The following CDKN2B-AS1 variants were observed in gnomAD, a reference collection of about 807,000 sequenced individuals.
CDKN2B-AS1 encodes the protein CDKN2B antisense RNA 1 (non-protein coding).
chr9:22,096,820 C>G (rs1424384331), intron 4 of CDKN2B-AS1, among the ~76,000 whole-genome samples: 2 of 152,150 alleles, frequency 1.3e-5, no homozygotes, highest in African/African-American at 4.8e-5. Flanking sequence ...CTCCACCTGG[C>G]CTTCTCCAGC....
At chr9:22,003,758 G>A (rs996652899) in intron 1 of CDKN2B-AS1, 1 of 231,804 alleles carries the variant, frequency 4.3e-6, no homozygotes, top group Non-Finnish European at 8.5e-6. Flanking sequence ...GTTGGGGGGG[G>A]TTATTCTCCA....
At chr9:21,998,526 C>T (rs1328761598) in intron 1 of CDKN2B-AS1, among the ~76,000 whole-genome samples, 1 of 152,138 alleles carries the variant, frequency 6.6e-6, no homozygotes, top group Non-Finnish European at 1.5e-5. Flanking sequence ...AGGCCAGGGT[C>T]AATAGGGAGT....
At chr9:22,010,005 T>G (rs2069416) in intron 1 of CDKN2B-AS1, among the ~76,000 whole-genome samples, 2,583 of 152,146 alleles carry the variant, frequency 0.017, 43 homozygotes, top group Middle Eastern at 0.054. Context: ...AAATTATACT[T>G]TAAGAATCTG....
At chr9:22,104,693 T>G (rs1384406352) in intron 4 of CDKN2B-AS1, among the ~76,000 whole-genome samples, 1 of 152,234 alleles carries the variant, frequency 6.6e-6, no homozygotes, top group Non-Finnish European at 1.5e-5. Flanking sequence ...ATTTGTTTGT[T>G]TTTTGTTCAT....
chr9:22,060,794 T>G (rs1376458699), intron 4 of CDKN2B-AS1, among the ~76,000 whole-genome samples: 1 of 152,174 alleles, frequency 6.6e-6, no homozygotes, highest in African/African-American at 2.4e-5. Flanking sequence ...GCACTTCTCA[T>G]GTGGCAGTGG....
At chr9:22,101,511 C>A (rs1825483916) in intron 4 of CDKN2B-AS1, among the ~76,000 whole-genome samples, 1 of 152,136 alleles carries the variant, frequency 6.6e-6, no homozygotes, top group African/African-American at 2.4e-5. Flanking sequence ...ACCTAAATAT[C>A]ATTCCCTTTA....
At chr9:22,072,511 A>C (rs76358272) in intron 4 of CDKN2B-AS1, among the ~76,000 whole-genome samples, 1 of 152,242 alleles carries the variant, frequency 6.6e-6, no homozygotes, top group Admixed American at 6.5e-5. Context: ...GCGCCTGCAC[A>C]TGTAGCTTAA....
At chr9:22,075,697 A>C (rs1217465936) in intron 4 of CDKN2B-AS1, among the ~76,000 whole-genome samples, 1 of 152,206 alleles carries the variant, frequency 6.6e-6, no homozygotes, top group Non-Finnish European at 1.5e-5. Flanking sequence ...AGAAAGGAAC[A>C]GGGTGATGGT....
At chr9:22,028,458 A>AAT (rs1456667245) in intron 1 of CDKN2B-AS1, among the ~76,000 whole-genome samples, 2 of 152,166 alleles carry the variant, frequency 1.3e-5, no homozygotes, top group Non-Finnish European at 2.9e-5. Context: ...TAGGGTTTTA[A>AAT]ACAAGACATA....
At chr9:22,033,440 C>A (rs1217760289) in intron 1 of CDKN2B-AS1, among the ~76,000 whole-genome samples, 1 of 152,090 alleles carries the variant, frequency 6.6e-6, no homozygotes, top group Non-Finnish European at 1.5e-5. Flanking sequence ...CATACACATG[C>A]ATATGTAAAT....
rs141581487 is a variant in CDKN2B-AS1, at chr9:22,063,740, C to A, written n.438+7353C>A. On this transcript the variant is annotated intron_variant and non_coding_transcript_variant, in intron 4 of 4. Coordinates refer to ENST00000650946, the Ensembl canonical transcript of CDKN2B-AS1. The stretch of plus-strand genomic sequence containing the variant: ...CTTCAACTGTCTGTTTTGGGAAAGG[C>A]TAGTGGCCTGTGAGGAAACGAAGAC... Among the ~76,000 whole-genome samples, 19 of 152,254 alleles carry A rather than the reference C, an allele frequency of 1.2e-4. No individual in the cohort carries two copies. In the East Asian group the frequency reaches 3.5e-3, roughly 28 times the overall value.
chr9:22,012,559 G>A lies in CDKN2B-AS1; in HGVS notation n.29+17398G>A. The A allele has an allele frequency of 1.7e-5, 9 of 544,160 alleles. 1 individual carries two copies. Among genetic ancestry groups the A allele is most frequent in the South Asian group, 1.4e-4 (9 of 63,640 alleles). 33.7% of individuals were successfully genotyped at this position (544,160 alleles called of 1,614,324 possible). On this transcript the variant is annotated intron_variant and non_coding_transcript_variant, in intron 1 of 4. Coordinates refer to ENST00000650946, the Ensembl canonical transcript of CDKN2B-AS1. ...AATAAGGCTCTTCCTTCCTCGGAGGGCAGCCTCCTGCCCAGGCCCCATGGC... is the reference window on the plus strand; with the variant it reads ...AATAAGGCTCTTCCTTCCTCGGAGGACAGCCTCCTGCCCAGGCCCCATGGC...
chr9:22,126,571 A>ATTTTT (rs1818026896), intron 4 of CDKN2B-AS1, among the ~76,000 whole-genome samples: 5 of 100,594 alleles, frequency 5.0e-5, no homozygotes, highest in African/African-American at 1.7e-4. Flanking sequence ...GAGTAAGTGG[A>ATTTTT]TTCTTTTTTT....
At chr9:22,024,180 A>C (rs1476933319) in intron 1 of CDKN2B-AS1, among the ~76,000 whole-genome samples, 4 of 152,162 alleles carry the variant, frequency 2.6e-5, no homozygotes, top group African/African-American at 9.7e-5. Context: ...TCAACCAACT[A>C]GCTTTGTATC....
At chr9:22,119,448 A>T (rs934039955) in intron 4 of CDKN2B-AS1, 2 of 152,174 alleles carry the variant, frequency 1.3e-5, no homozygotes, top group Admixed American at 1.3e-4. Context: ...TTGGGGCTAT[A>T]ATTCATCAAG....
At chr9:22,102,829 C>T (rs957966408) in intron 4 of CDKN2B-AS1, among the ~76,000 whole-genome samples, 2 of 152,066 alleles carry the variant, frequency 1.3e-5, no homozygotes, top group Admixed American at 6.6e-5. Flanking sequence ...TAGATCTGGG[C>T]CTAACAAGGG....
In CDKN2B-AS1 at chr9:22,005,360, A is replaced by C. The variant is rs1230485888; in HGVS notation, n.29+10199A>C. On this transcript the variant is annotated intron_variant and non_coding_transcript_variant, in intron 1 of 4. Coordinates refer to ENST00000650946, the Ensembl canonical transcript of CDKN2B-AS1. The surrounding 1 kb of genome is among the most constrained non-coding windows in gnomAD (Gnocchi z 4.9). ...CTCTTACCCCTCTGCTATCTGGTGG[A>C]GTTGGGCGAGGGTCTCCAGGGCTTC... is the stretch of plus-strand genomic sequence containing the variant. 2 of 241,970 alleles carry C rather than the reference A, an allele frequency of 8.3e-6. No individual in the cohort carries two copies. Among genetic ancestry groups the C allele is most frequent in the Non-Finnish European group, 1.6e-5 (2 of 123,302 alleles). The allele number at this position is 241,970 out of a possible 1,614,324, so 15.0% of individuals were successfully genotyped here.
chr9:22,026,233 C>T (rs1364787848), intron 1 of CDKN2B-AS1, among the ~76,000 whole-genome samples: 1 of 152,226 alleles, frequency 6.6e-6, no homozygotes, highest in Non-Finnish European at 1.5e-5. Flanking sequence ...TGGCAGCCTG[C>T]CCCTCCCTCT....
chr9:22,082,368 T>G (rs946889883), intron 4 of CDKN2B-AS1, among the ~76,000 whole-genome samples: 13 of 152,234 alleles, frequency 8.5e-5, no homozygotes, highest in African/African-American at 3.1e-4. Context: ...GGCTCACTAT[T>G]CACATCAATC....
Sources: gnomAD v4.1 joint callset for allele counts (sites outside exome capture counted in the v4.1 genomes callset) on GRCh38, gnomAD v4.1.1 for gene constraint, Gnocchi (gnomAD v3.1) non-coding constraint, MANE v1.5 for transcripts, NCBI Gene and HGNC (gene_info 2026-07-23, HGNC 2026-07-21) for gene names.